L3MBTL4: variants seen among roughly 807,000 people sequenced by gnomAD.
The protein encoded by L3MBTL4 is lethal(3)malignant brain tumor-like protein 4.
A neutral mutation model predicts 84.5 loss-of-function variants in L3MBTL4; 70 were observed. That is an observed-to-expected ratio of 0.83 (90% CI 0.68 to 1.01). The LOEUF is 1.01. L3MBTL4 is among the 50% of genes least tolerant of loss of function. The pLI, the probability that L3MBTL4 is intolerant of heterozygous loss-of-function variation, is 0.00. For synonymous variants in L3MBTL4, 274 were observed against 259.8 expected, an observed-to-expected ratio of 1.05 and a Z score of -0.52; for missense variants, 715 against 754.8, an observed-to-expected ratio of 0.95 and a Z score of 0.62.
At chr18:6,289,190 A>G (rs147401554) in intron 4 of L3MBTL4, among the ~76,000 whole-genome samples, 1 of 152,290 alleles carries the variant, frequency 6.6e-6, no homozygotes, top group East Asian at 1.9e-4. Context: ...TTTATAAAGA[A>G]TGGGTCTTAG....
intron 1 of L3MBTL4, among the ~76,000 whole-genome samples, chr18:6,393,774 TC>T (rs67830642): frequency 0.52 from 78,383 of 151,730 alleles, 20,323 homozygotes; most frequent in East Asian, 0.59. Flanking sequence ...GATCATAGCC[TC>T]TCCAGCAGGC....
At chr18:6,332,281 G>C (rs1809388850) in intron 1 of L3MBTL4, among the ~76,000 whole-genome samples, 1 of 152,156 alleles carries the variant, frequency 6.6e-6, no homozygotes, top group Admixed American at 6.5e-5. Flanking sequence ...TCCTCCTCTT[G>C]GTTAAAATAA....
At chr18:6,011,048 T>C (rs73376023) in intron 16 of L3MBTL4, among the ~76,000 whole-genome samples, 239 of 152,358 alleles carry the variant, frequency 1.6e-3, no homozygotes, top group African/African-American at 5.5e-3. Flanking sequence ...ATAATGACTT[T>C]GCTAAGTGCC....
intron 16 of L3MBTL4, among the ~76,000 whole-genome samples, chr18:5,975,082 T>A (rs1420093584): frequency 6.6e-6 from 1 of 152,068 alleles, no homozygotes. Context: ...CTCTCACCCA[T>A]CCTTCCCACC....
intron 16 of L3MBTL4, among the ~76,000 whole-genome samples, chr18:5,985,748 G>C (rs2145072901): frequency 6.6e-6 from 1 of 152,308 alleles, no homozygotes; most frequent in East Asian, 1.9e-4. Flanking sequence ...AAGTCTTAAG[G>C]TGTGATGTCC....
At chr18:6,081,988 C>T (rs2058094179) in intron 15 of L3MBTL4, among the ~76,000 whole-genome samples, 4 of 152,156 alleles carry the variant, frequency 2.6e-5, no homozygotes, top group Admixed American at 2.6e-4. Context: ...ATACTAACCA[C>T]ATGTACTTAA....
intron 11 of L3MBTL4, among the ~76,000 whole-genome samples, chr18:6,214,650 A>G (rs2046249989): frequency 6.6e-6 from 1 of 152,196 alleles, no homozygotes; most frequent in Non-Finnish European, 1.5e-5. Context: ...GCATTATCAC[A>G]TCTACTAAAT....
chr18:6,376,243 G>C (rs903779806), intron 1 of L3MBTL4, among the ~76,000 whole-genome samples: 1 of 152,154 alleles, frequency 6.6e-6, no homozygotes, highest in Non-Finnish European at 1.5e-5. Flanking sequence ...TCCTTGCAGG[G>C]CTTCCTGCTT....
Position 6,036,981 on chromosome 18 carries a change from G to A in L3MBTL4, c.1444+43900C>T, listed in dbSNP as rs115562069. ...CAAAAGAAGAAAAGAGAAAAATGAC[G>A]GGAAGGGGGTAAAAAATAAAAGTGC... On this transcript the variant is annotated intron_variant, in intron 16 of 18. Transcript: ENST00000317931. Among the ~76,000 whole-genome samples, 1,074 of 152,254 alleles carry A rather than the reference G, an allele frequency of 7.1e-3. 9 individuals are homozygous for A. The highest frequency in any genetic ancestry group is 0.024 in the African/African-American group (1,014 of 41,548).
chr18:6,215,272 T>C (rs985042312), intron 11 of L3MBTL4, among the ~76,000 whole-genome samples: 3 of 152,204 alleles, frequency 2.0e-5, no homozygotes, highest in Admixed American at 6.5e-5. Context: ...CTGGAATAAA[T>C]ATATAAGTAC....
chr18:6,174,416 G>C (rs569861466), intron 12 of L3MBTL4, among the ~76,000 whole-genome samples: 7 of 152,266 alleles, frequency 4.6e-5, no homozygotes, highest in African/African-American at 1.7e-4. Context: ...CTATAAAAGA[G>C]AAGCACATAG....
At chr18:6,010,931 A>G (rs1428638032) in intron 16 of L3MBTL4, among the ~76,000 whole-genome samples, 5 of 152,204 alleles carry the variant, frequency 3.3e-5, no homozygotes, top group Non-Finnish European at 1.5e-5. Context: ...ATCACCCTTC[A>G]CTTGTCAAAT....
chr18:6,313,481 G>A (rs1394676674), intron 1 of L3MBTL4, among the ~76,000 whole-genome samples: 2 of 152,178 alleles, frequency 1.3e-5, no homozygotes, highest in African/African-American at 4.8e-5. Context: ...CCTTAAGACA[G>A]GCACTTATGT....
At chr18:6,315,261 A>T (rs1447080412) in intron 1 of L3MBTL4, among the ~76,000 whole-genome samples, 4 of 152,236 alleles carry the variant, frequency 2.6e-5, no homozygotes, top group African/African-American at 9.6e-5. Context: ...CACTATTTCA[A>T]AGATACTGCC....
At chr18:6,100,421 G>C (rs933473664) in intron 14 of L3MBTL4, among the ~76,000 whole-genome samples, 36 of 152,108 alleles carry the variant, frequency 2.4e-4, no homozygotes, top group South Asian at 4.2e-4. Flanking sequence ...TATTAAAATT[G>C]CTTGTTGAAT....
intron 16 of L3MBTL4, among the ~76,000 whole-genome samples, chr18:6,074,032 T>C (rs2057777413): frequency 6.6e-6 from 1 of 152,196 alleles, no homozygotes; most frequent in Non-Finnish European, 1.5e-5. Context: ...GAAATATCTC[T>C]GAGAGTTCCT....
At chr18:5,998,685 C>T (rs2054087649) in intron 16 of L3MBTL4, among the ~76,000 whole-genome samples, 1 of 152,092 alleles carries the variant, frequency 6.6e-6, no homozygotes, top group Admixed American at 6.5e-5. Flanking sequence ...GGGGAAGGGG[C>T]GTTCTTTGCA....
intron 12 of L3MBTL4, among the ~76,000 whole-genome samples, chr18:6,195,641 A>T (rs1293148853): frequency 6.6e-6 from 1 of 152,212 alleles, no homozygotes; most frequent in Non-Finnish European, 1.5e-5. Context: ...AAAAGGCAGA[A>T]ATTTGTTTTT....
chr18:6,344,802 C>T (rs1206362475), intron 1 of L3MBTL4, among the ~76,000 whole-genome samples: 1 of 150,528 alleles, frequency 6.6e-6, no homozygotes, highest in Non-Finnish European at 1.5e-5. Context: ...TCAATAAATG[C>T]AGAAAAAGCA....
Sources: allele counts gnomAD v4.1 joint callset (sites outside exome capture counted in the v4.1 genomes callset), GRCh38; gene constraint gnomAD v4.1.1; transcripts MANE v1.5; gene names NCBI Gene and HGNC (gene_info 2026-07-23, HGNC 2026-07-21).